The following FBN2 variants were observed in gnomAD, a reference collection of about 807,000 sequenced individuals.
FBN2 encodes fibrillin-2.
In FBN2, 105 loss-of-function variants were observed where a neutral mutation model predicts 355.6. The observed-to-expected ratio is 0.30, with a 90% CI of 0.25 to 0.35. The LOEUF (loss-of-function observed/expected upper bound fraction) is 0.35, where lower values mean the gene tolerates loss of function less well. FBN2 is among the 10% of genes least tolerant of loss of function. FBN2 has a pLI of 1.00. For missense variants in FBN2, 3,280 were observed against 3,758.7 expected (o/e 0.87, Z 3.33); for synonymous variants, 1,350 against 1,301.2 (o/e 1.04, Z -0.81).
chr5:128,414,667 C>T (rs1753150370), intron 7 of FBN2, among the ~76,000 whole-genome samples: 1 of 152,108 alleles, frequency 6.6e-6, no homozygotes, highest in African/African-American at 2.4e-5. Flanking sequence ...ATTGCTGAGT[C>T]ATACAGTAAT....
At chr5:128,300,710 T>G in intron 48 of FBN2, 107 bp downstream of exon 48, 1 of 1,097,334 alleles carries the variant, frequency 9.1e-7, no homozygotes, top group Non-Finnish European at 1.4e-6. Context: ...TTTAATTCCT[T>G]AGGTCAGCAT....
chr5:128,350,764 G>T, intron 21 of FBN2, 104 bp downstream of exon 21: 1 of 1,309,008 alleles, frequency 7.6e-7, no homozygotes, highest in South Asian at 1.2e-5. Context: ...AAAAGTAAAT[G>T]ATCTCTGACC....
At chr5:128,270,504 G>C (rs1765239879) in intron 62 of FBN2, among the ~76,000 whole-genome samples, 1 of 152,150 alleles carries the variant, frequency 6.6e-6, no homozygotes, top group Admixed American at 6.5e-5. Context: ...ACTTCAGCCT[G>C]GGCAACAGGG....
intron 7 of FBN2, among the ~76,000 whole-genome samples, chr5:128,415,160 T>C (rs575585118): frequency 2.0e-5 from 3 of 152,284 alleles, no homozygotes; most frequent in African/African-American, 7.2e-5. Context: ...AGTCAGGGCA[T>C]TTAGGGTATC....
At chr5:128,520,858 G>C (rs1459663554) in intron 4 of FBN2, among the ~76,000 whole-genome samples, 2 of 151,974 alleles carry the variant, frequency 1.3e-5, no homozygotes, top group East Asian at 3.9e-4. Context: ...GTCCTACATA[G>C]CACTTCCCAC....
chr5:128,286,782 G>T lies in FBN2; in HGVS notation c.6948C>A (p.Ile2316=), dbSNP rs17608368. ...GAGGGCAGATGCACATGAAGGTGCC[G>T]ATTAGATTCTTACACATCATGCCCC... ...ESRGMMCKNL[I]GTFMCICPPG... is the part of the protein sequence containing the mutation. Residue 2316 remains isoleucine (I), a synonymous_variant, in exon 55 of 65, where the codon ATC becomes ATA. Coordinates refer to ENST00000262464, the MANE Select transcript of FBN2 (RefSeq NM_001999.4). 29,955 of 1,613,916 alleles carry T rather than the reference G, an allele frequency of 0.019. 385 individuals are homozygous for T. The highest frequency in any genetic ancestry group is 0.034 in the Middle Eastern group (206 of 6,058).
chr5:128,391,489 T>C (rs756782952), intron 11 of FBN2, among the ~76,000 whole-genome samples: 1 of 152,190 alleles, frequency 6.6e-6, no homozygotes, highest in Admixed American at 6.5e-5. Flanking sequence ...TTCATTGTTG[T>C]TATTTTTGAA....
chr5:128,426,797 G>A (rs1424956973), intron 7 of FBN2, among the ~76,000 whole-genome samples: 2 of 152,136 alleles, frequency 1.3e-5, no homozygotes, highest in Admixed American at 1.3e-4. Context: ...CAGTAAGGAC[G>A]TGAGAGGACA....
intron 8 of FBN2, among the ~76,000 whole-genome samples, chr5:128,397,136 G>A (rs1752672714): frequency 6.6e-6 from 1 of 152,046 alleles, no homozygotes; most frequent in Non-Finnish European, 1.5e-5. Context: ...ATAATTAAAG[G>A]CACTGCAGAA....
chr5:128,376,873 G>A lies in FBN2; in HGVS notation c.1850-20C>T. 6.2e-7 allele frequency: 1 copy of A among 1,612,290 alleles called. No homozygotes were observed. Among genetic ancestry groups the A allele is most frequent in the Non-Finnish European group, 8.5e-7 (1 of 1,179,262 alleles). The stretch of plus-strand genomic sequence containing the variant: ...CATGATCTGCAGAAGAGGATTGAGT[G>A]ACTTTGAACACTGGCCTTGAGGGAA... On this transcript the variant is annotated intron_variant, in intron 13 of 64. Transcript: ENST00000262464.
intron 7 of FBN2, among the ~76,000 whole-genome samples, chr5:128,433,456 G>A (rs987189284): frequency 6.6e-6 from 1 of 151,946 alleles, no homozygotes; most frequent in Non-Finnish European, 1.5e-5. Context: ...AAACAGGTAA[G>A]AACAATACAA....
chr5:128,289,365 CCT>C, intron 51 of FBN2, 113 bp from the exon 52 acceptor site: 1 of 1,065,854 alleles, frequency 9.4e-7, no homozygotes, highest in Non-Finnish European at 1.4e-6. Flanking sequence ...GGGTGGATCA[CCT>C]GAGGTCAGGA....
At chr5:128,307,977 G>A (rs1749929220) in intron 41 of FBN2, among the ~76,000 whole-genome samples, 1 of 152,042 alleles carries the variant, frequency 6.6e-6, no homozygotes, top group Non-Finnish European at 1.5e-5. Context: ...AGAACAGATA[G>A]AAAGACCACA....
chr5:128,407,353 G>T (rs1047982878), intron 8 of FBN2, among the ~76,000 whole-genome samples: 1 of 152,182 alleles, frequency 6.6e-6, no homozygotes, highest in South Asian at 2.1e-4. Context: ...ATTTATATAG[G>T]TCCAGAGCAG....
chr5:128,494,046 G>T (rs1419900625), intron 5 of FBN2, among the ~76,000 whole-genome samples: 1 of 152,174 alleles, frequency 6.6e-6, no homozygotes, highest in Non-Finnish European at 1.5e-5. Flanking sequence ...GCAAATATGG[G>T]TCTGTGACTC....
intron 7 of FBN2, among the ~76,000 whole-genome samples, chr5:128,437,527 G>A (rs550987244): frequency 6.6e-6 from 1 of 152,030 alleles, no homozygotes; most frequent in Non-Finnish European, 1.5e-5. Context: ...TTATATGGGG[G>A]CCTCATAACC....
At chr5:128,442,694 G>T (rs544337736) in intron 7 of FBN2, among the ~76,000 whole-genome samples, 1 of 152,068 alleles carries the variant, frequency 6.6e-6, no homozygotes, top group Non-Finnish European at 1.5e-5. Flanking sequence ...TGAGATCCAG[G>T]ACCCTAATTG....
At chr5:128,300,742 G>C (rs974161275) in intron 48 of FBN2, 75 bp downstream of exon 48, 1 of 1,482,308 alleles carries the variant, frequency 6.7e-7, no homozygotes, top group Non-Finnish European at 9.4e-7. Flanking sequence ...TTGGCACTTA[G>C]TATGTTTCCA....
At chr5:128,526,692 G>C (rs1756571072) in intron 4 of FBN2, among the ~76,000 whole-genome samples, 1 of 152,058 alleles carries the variant, frequency 6.6e-6, no homozygotes, top group Non-Finnish European at 1.5e-5. Context: ...CAAATTCATA[G>C]AGACAGAAGT....
Sources: gnomAD v4.1 joint callset for allele counts (sites outside exome capture counted in the v4.1 genomes callset) on GRCh38, gnomAD v4.1.1 for gene constraint, MANE v1.5 for transcripts, NCBI Gene and HGNC (gene_info 2026-07-23, HGNC 2026-07-21) for gene names.